The following ZNF841 variants were observed in gnomAD, a reference collection of about 807,000 sequenced individuals.
The protein encoded by ZNF841 is TCONS_00006091.
ZNF841 carries 11 observed loss-of-function variants against 13.0 expected under a neutral mutation model. The ratio of observed to expected loss-of-function variants is 0.85; its 90% CI spans 0.53 to 1.40. ZNF841 has a LOEUF of 1.40. ZNF841 is among the 40% of genes most tolerant of loss of function. The probability of loss-of-function intolerance (pLI) is 0.00; values close to 1 mark genes in which losing one functional copy is unlikely to be tolerated. For missense variants in ZNF841, 1,068 were observed against 1,139.5 expected (o/e 0.94, Z 0.90); for synonymous variants, 369 against 381.6 (o/e 0.97, Z 0.38).
At chr19:52,086,259 A>G (rs909021272) in intron 3 of ZNF841, among the ~76,000 whole-genome samples, 1 of 152,034 alleles carries the variant, frequency 6.6e-6, no homozygotes, top group African/African-American at 2.4e-5. Flanking sequence ...GCCTGGTGGG[A>G]GGTGGATGGA....
downstream of ZNF841, among the ~76,000 whole-genome samples, chr19:52,061,774 G>A (rs1297762812): frequency 1.3e-5 from 2 of 151,984 alleles, no homozygotes; most frequent in Non-Finnish European, 1.5e-5. Flanking sequence ...TCGAACTCCC[G>A]ACCTCAGGTG....
At chr19:52,059,451 T>C in the ZNF841 span, among the ~76,000 whole-genome samples, 34 of 147,912 alleles carry the variant, frequency 2.3e-4, no homozygotes, top group Admixed American at 1.7e-3. Flanking sequence ...TATCAATATG[T>C]AGAAGGTCCC....
chr19:52,066,595 A>C lies in ZNF841; in HGVS notation c.1287T>G (p.Tyr429Ter), dbSNP rs775425028. The C allele has an allele frequency of 6.2e-7, 1 of 1,613,310 alleles. No homozygotes were observed. ...HHIIHAGKKP[Y>*]TCDVCGKVFY... is the part of the protein sequence containing the mutation. Reference sequence around the variant, plus strand: ...AGACCTTGCCACATACATCACATGTATATGGTTTCTTTCCTGCATGGATTA... The same window carrying C: ...AGACCTTGCCACATACATCACATGTCTATGGTTTCTTTCCTGCATGGATTA... The change falls in exon 7 of 7, where the codon TAT becomes TAG. Residue 429 changes from tyrosine (Y) to a stop codon, truncating the protein, a stop_gained. Transcript: ENST00000594440. LOFTEE classifies it low-confidence loss of function (END_TRUNC).
chr19:52,067,944 C>T (rs975589841), intron 6 of ZNF841, among the ~76,000 whole-genome samples: 1 of 151,938 alleles, frequency 6.6e-6, no homozygotes, highest in Non-Finnish European at 1.5e-5. Context: ...ACATATGGCT[C>T]CCTCATAATA....
At chr19:52,075,422 T>C (rs922821970) in intron 6 of ZNF841, among the ~76,000 whole-genome samples, 3 of 152,172 alleles carry the variant, frequency 2.0e-5, no homozygotes, top group Admixed American at 2.0e-4. Context: ...AATTCTTATA[T>C]GTAACAATCT....
chr19:52,084,672 G>A, intron 4 of ZNF841, 115 bp downstream of exon 4: 1 of 1,139,774 alleles, frequency 8.8e-7, no homozygotes, highest in African/African-American at 1.5e-5. Flanking sequence ...GCATGGGTGA[G>A]TGCGAGCAAA....
At chr19:52,091,016 C>T (rs2088479961) in intron 2 of ZNF841, among the ~76,000 whole-genome samples, 1 of 152,174 alleles carries the variant, frequency 6.6e-6, no homozygotes, top group African/African-American at 2.4e-5. Context: ...ATCTCCTTTA[C>T]TCAATAAATA....
At chr19:52,059,683 G>A (rs1262224600), downstream of ZNF841, among the ~76,000 whole-genome samples, 4 of 152,040 alleles carry the variant, frequency 2.6e-5, no homozygotes, top group South Asian at 2.1e-4. Flanking sequence ...GCATGGTGGC[G>A]TGAGCCTGTG....
chr19:52,078,947 A>G (rs1409166234), intron 4 of ZNF841, among the ~76,000 whole-genome samples: 1 of 152,194 alleles, frequency 6.6e-6, no homozygotes, highest in African/African-American at 2.4e-5. Flanking sequence ...CTATCTCTCA[A>G]TGACATATTT....
At chr19:52,075,514 A>T (rs2087871641) in intron 6 of ZNF841, among the ~76,000 whole-genome samples, 1 of 152,236 alleles carries the variant, frequency 6.6e-6, no homozygotes, top group African/African-American at 2.4e-5. Flanking sequence ...AGGGACCTGA[A>T]CAGGCAGAGA....
chr19:52,065,644 A>C lies in ZNF841; in HGVS notation c.2238T>G (p.Phe746Leu), dbSNP rs1351128650. 6.2e-7 allele frequency: 1 copy of C among 1,607,508 alleles called. No homozygotes were observed. The change falls in exon 7 of 7, where the codon TTT (phenylalanine) becomes TTG (leucine). Residue 746 changes from phenylalanine to leucine, a missense_variant. Phe to Leu is a conservative substitution (Grantham distance 22). Coordinates refer to ENST00000594440, the MANE Select transcript of ZNF841 (RefSeq NM_001136499.2). Reference sequence around the variant, plus strand: ...GCCTTGCCAGGGTTGTAGTGGAGTTAAAGACTTTCCCACATTCAATACATT... The same window carrying C: ...GCCTTGCCAGGGTTGTAGTGGAGTTCAAGACTTTCCCACATTCAATACATT... ...PYKCIECGKVFNSTTTLARHR... is the reference protein window; with the variant it reads ...PYKCIECGKVLNSTTTLARHR...
downstream of ZNF841, among the ~76,000 whole-genome samples, chr19:52,064,168 C>T (rs2087454335): frequency 6.6e-6 from 1 of 151,404 alleles, no homozygotes; most frequent in African/African-American, 2.4e-5. Flanking sequence ...CAAGGTGAAA[C>T]CCCGTCTCTA....
rs202100426 is a variant in ZNF841 at position 52,066,851 on chromosome 19, G to A, written c.1031C>T (p.Pro344Leu). Residue 344 changes from proline to leucine, a missense_variant, in exon 7 of 7, where the codon CCC (proline) becomes CTC (leucine). By Grantham distance (98) the Pro-to-Leu change is moderately conservative. Transcript: ENST00000594440. ...CTTGCCACATTCATTACATATGTAGGGTTTGTCTCCAGTGTGACTTCTCCG... is the reference window on the plus strand; with the variant it reads ...CTTGCCACATTCATTACATATGTAGAGTTTGTCTCCAGTGTGACTTCTCCG... ...NHRRSHTGDKPYICNECGKSF... is the reference protein window; with the variant it reads ...NHRRSHTGDKLYICNECGKSF... The A allele has an allele frequency of 2.9e-4, 473 of 1,614,134 alleles. 1 individual carries two copies. Among genetic ancestry groups the A allele is most frequent in the Non-Finnish European group, 2.9e-4 (338 of 1,180,028 alleles).
intron 4 of ZNF841, among the ~76,000 whole-genome samples, chr19:52,079,489 A>C (rs2088023441): frequency 6.7e-6 from 1 of 149,964 alleles, no homozygotes; most frequent in African/African-American, 2.5e-5. Flanking sequence ...TTCACCCAAC[A>C]AGTGAAACAC....
intron 6 of ZNF841, among the ~76,000 whole-genome samples, chr19:52,073,518 C>T (rs2087803229): frequency 6.6e-6 from 1 of 152,066 alleles, no homozygotes; most frequent in African/African-American, 2.4e-5. Context: ...TCAGGCTGGT[C>T]TCGAACTCCT....
Position 52,065,358 on chromosome 19 carries a change from T to C in ZNF841, c.2524A>G (p.Asn842Asp). Reference protein sequence around the residue: ...ERSNLVYHQRNHTGEKPYKCM... With the variant: ...ERSNLVYHQRDHTGEKPYKCM... ...TTGTATGGCTTCTCTCCAGTATGGTTTCTCTGATGGTAAACCAAGTTTGAC... is the reference window on the plus strand; with the variant it reads ...TTGTATGGCTTCTCTCCAGTATGGTCTCTCTGATGGTAAACCAAGTTTGAC... Residue 842 changes from asparagine to aspartate, a missense_variant, in exon 7 of 7, where the codon AAC (asparagine) becomes GAC (aspartate). Physicochemically the swap from Asn to Asp is conservative, Grantham distance 23. Coordinates refer to ENST00000594440, the MANE Select transcript of ZNF841 (RefSeq NM_001136499.2). The C allele has an allele frequency of 1.9e-6, 3 of 1,607,974 alleles. No individual in the cohort carries two copies. The highest frequency in any genetic ancestry group is 2.5e-6 in the Non-Finnish European group (3 of 1,176,692).
At chr19:52,063,184 T>C (rs1451343793), downstream of ZNF841, among the ~76,000 whole-genome samples, 1 of 151,874 alleles carries the variant, frequency 6.6e-6, no homozygotes, top group East Asian at 1.9e-4. Context: ...TGAGAAATGG[T>C]TTAAAATTTT....
chr19:52,080,695 C>A (rs2088070025), intron 4 of ZNF841, among the ~76,000 whole-genome samples: 1 of 152,002 alleles, frequency 6.6e-6, no homozygotes, highest in Admixed American at 6.6e-5. Context: ...TACTGTAGCA[C>A]CAAAGTCTGC....
intron 6 of ZNF841, among the ~76,000 whole-genome samples, chr19:52,070,973 C>T (rs1036151551): frequency 2.0e-5 from 3 of 152,050 alleles, no homozygotes; most frequent in African/African-American, 7.2e-5. Flanking sequence ...GAGGGGAGAT[C>T]AAGGAGTAAT....
Sources: allele counts gnomAD v4.1 joint callset (sites outside exome capture counted in the v4.1 genomes callset), GRCh38; gene constraint gnomAD v4.1.1; transcripts MANE v1.5; gene names NCBI Gene and HGNC (gene_info 2026-07-23, HGNC 2026-07-21).